Variants in TDG observed in about 807,000 individuals in gnomAD.
TDG encodes the protein thymine DNA glycosylase.
In TDG, 23 loss-of-function variants were observed where a neutral mutation model predicts 46.1. That is an observed-to-expected ratio of 0.50 (90% CI 0.36 to 0.71). TDG has a LOEUF of 0.71. Among genes scored for constraint, TDG ranks in the 30% least tolerant of loss-of-function variants. The probability of loss-of-function intolerance (pLI) is 0.00; values close to 1 mark genes in which losing one functional copy is unlikely to be tolerated. For missense variants in TDG, 304 were observed against 486.7 expected (o/e 0.62, Z 3.53); for synonymous variants, 115 against 161.3 (o/e 0.71, Z 2.18).
Position 103,986,963 on chromosome 12 carries a change from TAAGAG to T in TDG, c.1107_1111del (p.Gly371IlefsTer8). 5 of 1,614,238 alleles carry T rather than the reference TAAGAG, an allele frequency of 3.1e-6. No individual in the cohort carries two copies. The highest frequency in any genetic ancestry group is 3.4e-6 in the Non-Finnish European group (4 of 1,180,048). On this transcript the variant is annotated frameshift_variant, in exon 10 of 10. Transcript: ENST00000392872. LOFTEE classifies it high-confidence loss of function. ...TTTCTGGCAGTTGAGAGCGTGGAGT[TAAGAG>T]GAGAATCAGCTTTCAGTGGCATTCC...
At chr12:103,986,745 T>TA (rs1872173025) in intron 9 of TDG, 6 of 490,880 alleles carry the variant, frequency 1.2e-5, no homozygotes, top group East Asian at 6.2e-5. Flanking sequence ...AATAAGCTGA[T>TA]ACGGTGGCTC....
intron 2 of TDG, among the ~76,000 whole-genome samples, chr12:103,978,619 G>C (rs1011372663): frequency 1.3e-5 from 2 of 152,162 alleles, no homozygotes; most frequent in Non-Finnish European, 2.9e-5. Context: ...GGCTTGATTG[G>C]GGAAACGCCA....
At chr12:103,976,398 C>A (rs1037937219) in intron 1 of TDG, among the ~76,000 whole-genome samples, 27 of 143,334 alleles carry the variant, frequency 1.9e-4, no homozygotes, top group African/African-American at 7.2e-4. Context: ...CAGAGGGAGA[C>A]CCTGTCTCCC....
intron 1 of TDG, among the ~76,000 whole-genome samples, chr12:103,974,637 T>C (rs1871434299): frequency 6.6e-6 from 1 of 152,050 alleles, no homozygotes; most frequent in Non-Finnish European, 1.5e-5. Flanking sequence ...ATGAATATCA[T>C]AGAGAATGAA....
In TDG at chr12:103,988,061, T is replaced by C. The variant is rs1849372930; in HGVS notation, c.*971T>C. The C allele has an allele frequency of 6.5e-6, 1 of 152,738 alleles. No individual in the cohort carries two copies. Among genetic ancestry groups the C allele is most frequent in the Non-Finnish European group, 1.5e-5 (1 of 68,062 alleles). The allele number at this position is 152,738 out of a possible 1,614,324, so 9.5% of individuals were successfully genotyped here. ...TAAGCCAATAATTTTAAAGATTCTT[T>C]ATCTGCATCATTGCTGTTTGTTACT... On this transcript the variant is annotated 3_prime_UTR_variant, in exon 10 of 10. Coordinates refer to ENST00000392872, the MANE Select transcript of TDG (RefSeq NM_003211.6).
intron 2 of TDG, among the ~76,000 whole-genome samples, chr12:103,979,433 G>C (rs1203846449): frequency 6.6e-6 from 1 of 151,930 alleles, no homozygotes; most frequent in Non-Finnish European, 1.5e-5. Flanking sequence ...GGGAAGTTGA[G>C]TTAAAATGTT....
At position 103,983,401 on chromosome 12, in the gene TDG, A is replaced by C; in HGVS notation, c.792+12A>C. On this transcript the variant is annotated intron_variant, in intron 7 of 9. Coordinates refer to ENST00000392872, the MANE Select transcript of TDG (RefSeq NM_003211.6). ...CAGACACAGAAACTGTAAGTCCCTA[A>C]AATTGAATTTGTAAATCAGCTAAAT... 6.5e-7 allele frequency: 1 copy of C among 1,540,954 alleles called. No homozygotes were observed. Among genetic ancestry groups the C allele is most frequent in the Non-Finnish European group, 8.7e-7 (1 of 1,148,332 alleles).
intron 1 of TDG, among the ~76,000 whole-genome samples, chr12:103,975,348 T>C (rs2723877): frequency 0.9 from 136,955 of 152,250 alleles, 61,690 homozygotes; most frequent in East Asian, 1. Flanking sequence ...ATTTCATGTT[T>C]CTCTTTAGTG....
intron 4 of TDG, among the ~76,000 whole-genome samples, chr12:103,982,123 G>T (rs1388669370): frequency 9.2e-5 from 14 of 152,278 alleles, no homozygotes; most frequent in African/African-American, 2.6e-4. Flanking sequence ...CTGCCTAATA[G>T]ATCAGTGTAT....
At chr12:103,986,782 G>A in intron 9 of TDG, 166 bp from the exon 10 acceptor site, 1 of 632,934 alleles carries the variant, frequency 1.6e-6, no homozygotes, top group Non-Finnish European at 2.6e-6. Context: ...TGCTTTGAGA[G>A]GCTAGGATGG....
chr12:103,977,401 G>A (rs913270126), intron 2 of TDG, among the ~76,000 whole-genome samples: 1 of 152,168 alleles, frequency 6.6e-6, no homozygotes, highest in Non-Finnish European at 1.5e-5. Flanking sequence ...CCAGAGCAGA[G>A]AAATAACACC....
At chr12:103,968,472 G>A (rs951237202) in intron 1 of TDG, among the ~76,000 whole-genome samples, 2 of 152,212 alleles carry the variant, frequency 1.3e-5, no homozygotes, top group African/African-American at 4.8e-5. Context: ...TGGCATGGTG[G>A]CAGCAGACAA....
chr12:103,985,160 G>GACACAC (rs1333247597), intron 8 of TDG, among the ~76,000 whole-genome samples: 1 of 51,628 alleles, frequency 1.9e-5, no homozygotes, highest in African/African-American at 5.8e-5. Context: ...TCTATATATA[G>GACACAC]ACACATACAC....
intron 3 of TDG, 106 bp downstream of exon 3, chr12:103,980,178 G>A (rs1306788315): frequency 1.3e-6 from 2 of 1,489,904 alleles, no homozygotes; most frequent in African/African-American, 1.4e-5. Flanking sequence ...CCATTTCTAA[G>A]AATCCTTTTG....
At chr12:103,980,134 G>C (rs1871753592) in intron 3 of TDG, 62 bp downstream of exon 3, 3 of 1,595,970 alleles carry the variant, frequency 1.9e-6, no homozygotes, top group Non-Finnish European at 2.6e-6. Flanking sequence ...TTACTTAACA[G>C]TTGTCCTTGC....
At chr12:103,967,923 A>G (rs939047695) in intron 1 of TDG, 1 of 151,432 alleles carries the variant, frequency 6.6e-6, no homozygotes, top group Non-Finnish European at 1.5e-5. Flanking sequence ...CTGCTTCCCG[A>G]GTTTAAGCGA....
chr12:103,976,977 A>G lies in TDG; in HGVS notation c.83A>G (p.Glu28Gly). 1 of 1,614,024 alleles carries G rather than the reference A, an allele frequency of 6.2e-7. No individual in the cohort carries two copies. Among genetic ancestry groups the G allele is most frequent in the Non-Finnish European group, 8.5e-7 (1 of 1,179,992 alleles). The change falls in exon 2 of 10, where the codon GAA (glutamate) becomes GGA (glycine). Residue 28 changes from glutamate to glycine, a missense_variant. Coordinates refer to ENST00000392872, the MANE Select transcript of TDG (RefSeq NM_003211.6). Reference sequence around the variant, plus strand: ...TTTCCATTTCAACAACTGATGGCTGAAGCTCCTAATATGGCAGTTGTGAAT... The same window carrying G: ...TTTCCATTTCAACAACTGATGGCTGGAGCTCCTAATATGGCAGTTGTGAAT... ...YTFPFQQLMA[E>G]APNMAVVNEQ...
chr12:103,967,240 C>T (rs1871082220), intron 1 of TDG, among the ~76,000 whole-genome samples: 1 of 152,094 alleles, frequency 6.6e-6, no homozygotes, highest in Non-Finnish European at 1.5e-5. Context: ...CTGTTTAGCT[C>T]AAAGCTGTGA....
chr12:103,968,958 G>A (rs4135052), intron 1 of TDG, among the ~76,000 whole-genome samples: 3,687 of 152,168 alleles, frequency 0.024, 140 homozygotes, highest in East Asian at 0.15. Context: ...GTGAAACCCC[G>A]TCTCTACTAA....
Sources: gnomAD v4.1 joint callset for allele counts (sites outside exome capture counted in the v4.1 genomes callset) on GRCh38, gnomAD v4.1.1 for gene constraint, MANE v1.5 for transcripts, NCBI Gene and HGNC (gene_info 2026-07-23, HGNC 2026-07-21) for gene names.